VWA3A: variants seen among roughly 807,000 people sequenced by gnomAD.
The protein encoded by VWA3A is von Willebrand factor A domain-containing protein 3A.
In VWA3A, 134 loss-of-function variants were observed where a neutral mutation model predicts 160.4. The observed-to-expected ratio is 0.84, with a 90% CI of 0.73 to 0.96. VWA3A has a LOEUF of 0.96. Among genes scored for constraint, VWA3A ranks in the 40% least tolerant of loss-of-function variants. The pLI is 0.00. For missense variants in VWA3A, 1,310 were observed against 1,447.9 expected (o/e 0.90, Z 1.55); for synonymous variants, 476 against 543.4 (o/e 0.88, Z 1.72).
At chr16:22,109,429 A>G in intron 6 of VWA3A, 53 bp from the exon 7 acceptor site, 3 of 1,425,744 alleles carry the variant, frequency 2.1e-6, no homozygotes, top group Non-Finnish European at 2.9e-6. Context: ...AGCTCAGTGT[A>G]GGAGACACAC....
intron 11 of VWA3A, 131 bp downstream of exon 11, chr16:22,117,307 TCAATGAGGTTA>T: frequency 1.0e-6 from 1 of 965,434 alleles, no homozygotes; most frequent in Non-Finnish European, 1.5e-6. Flanking sequence ...CCACCTGTAT[TCAATGAGGTTA>T]CACAGGTAAA....
In VWA3A at chr16:22,126,214, C is replaced by T; in HGVS notation, c.1569C>T (p.Ser523=). 6.2e-7 allele frequency: 1 copy of T among 1,613,918 alleles called. No homozygotes were observed. Residue 523 remains serine, a synonymous_variant, in exon 17 of 34, where the codon TCC becomes TCT. Coordinates refer to ENST00000389398, the MANE Select transcript of VWA3A (RefSeq NM_173615.5). ...VVLLDISATN[S]MYIIHIQHSL... ...TGCTCGATATCTCTGCGACCAATTC[C>T]ATGTACATTATTCATATCCAGCACT...
intron 15 of VWA3A, 148 bp downstream of exon 15, chr16:22,123,313 C>T: frequency 9.0e-7 from 1 of 1,114,914 alleles, no homozygotes; most frequent in East Asian, 2.6e-5. Context: ...CCTCCTGAAG[C>T]TTTGGCCATC....
At chr16:22,135,446 T>C (rs2046022617) in intron 21 of VWA3A, among the ~76,000 whole-genome samples, 1 of 152,188 alleles carries the variant, frequency 6.6e-6, no homozygotes, top group Non-Finnish European at 1.5e-5. Flanking sequence ...TAATTACATC[T>C]GCAAAGACCC....
At chr16:22,140,690 A>T (rs2046130979) in intron 23 of VWA3A, among the ~76,000 whole-genome samples, 1 of 149,222 alleles carries the variant, frequency 6.7e-6, no homozygotes, top group African/African-American at 2.5e-5. Context: ...AGCTCACTGC[A>T]ACCTCCACCT....
Position 22,096,906 on chromosome 16 carries a change from T to C in VWA3A, c.62T>C (p.Val21Ala), listed in dbSNP as rs1035465797. ...GCAATGGCTACACAAACTAGTCATGTCTTCCATGGTCAAGAAAATATGTTT... is the reference window on the plus strand; with the variant it reads ...GCAATGGCTACACAAACTAGTCATGCCTTCCATGGTCAAGAAAATATGTTT... Reference protein sequence around the residue: ...CFAMATQTSHVFHGQENMFLE... With the variant: ...CFAMATQTSHAFHGQENMFLE... The change falls in exon 2 of 34, where the codon GTC (valine) becomes GCC (alanine). Residue 21 changes from valine (V) to alanine (A), a missense_variant. Val to Ala is a moderately conservative substitution (Grantham distance 64). Transcript: ENST00000389398. The C allele has an allele frequency of 5.8e-6, 9 of 1,550,526 alleles. No individual in the cohort carries two copies. Among genetic ancestry groups the C allele is most frequent in the East Asian group, 4.9e-5 (2 of 40,932 alleles).
rs1328936152 is a variant in VWA3A at position 22,132,158 on chromosome 16, C to G, written c.1872+429C>G. On this transcript the variant is annotated intron_variant, in intron 19 of 33. Coordinates refer to ENST00000389398, the MANE Select transcript of VWA3A (RefSeq NM_173615.5). ...CAGCACTTTGGGAGGCTGAGGCAGG[C>G]AGATCACCTGAGGTCGGGAGTTTGA... 2.6e-5 allele frequency among the ~76,000 whole-genome samples: 4 copies of G among 151,996 alleles called. No individual in the cohort carries two copies. The East Asian group carries it at 7.7e-4, about 29-fold the overall frequency.
At chr16:22,095,170 A>T (rs1028353004) in intron 1 of VWA3A, among the ~76,000 whole-genome samples, 7 of 152,208 alleles carry the variant, frequency 4.6e-5, no homozygotes, top group African/African-American at 1.7e-4. Context: ...GCATGGTTCT[A>T]TGAAAGTCTG....
chr16:22,152,227 G>A (rs1232230555), intron 30 of VWA3A, among the ~76,000 whole-genome samples: 1 of 152,074 alleles, frequency 6.6e-6, no homozygotes, highest in African/African-American at 2.4e-5. Context: ...GAAAAGAAAT[G>A]GGGGCTGGAG....
At chr16:22,126,726 G>T (rs915019138) in intron 17 of VWA3A, among the ~76,000 whole-genome samples, 1 of 152,064 alleles carries the variant, frequency 6.6e-6, no homozygotes, top group South Asian at 2.1e-4. Context: ...ATATAAATTT[G>T]GCCAGGTGCA....
chr16:22,107,058 G>A (rs1436132244), intron 6 of VWA3A, among the ~76,000 whole-genome samples: 1 of 152,214 alleles, frequency 6.6e-6, no homozygotes, highest in Non-Finnish European at 1.5e-5. Context: ...GAGAAGCGGA[G>A]CAGGATGTTG....
At chr16:22,131,009 CTG>C (rs1452556523) in intron 17 of VWA3A, among the ~76,000 whole-genome samples, 194 bp from the exon 18 acceptor site, 7 of 152,220 alleles carry the variant, frequency 4.6e-5, no homozygotes, top group Non-Finnish European at 1.0e-4. Context: ...CTGGCTCACA[CTG>C]TGTCTTGGCT....
intron 22 of VWA3A, 54 bp downstream of exon 22, chr16:22,138,566 T>C: frequency 1.9e-6 from 3 of 1,605,270 alleles, no homozygotes; most frequent in Non-Finnish European, 1.7e-6. Context: ...GTTTGTCTTC[T>C]GGTCTTTCCT....
intron 9 of VWA3A, 122 bp from the exon 10 acceptor site, chr16:22,116,637 C>T: frequency 1.3e-6 from 1 of 750,682 alleles, no homozygotes; most frequent in Non-Finnish European, 2.3e-6. Context: ...ACATAGGTGA[C>T]CTGTGACACA....
intron 26 of VWA3A, among the ~76,000 whole-genome samples, chr16:22,145,294 C>T (rs1332455030): frequency 6.6e-6 from 1 of 152,152 alleles, no homozygotes; most frequent in Non-Finnish European, 1.5e-5. Context: ...TCTTTCAGTT[C>T]AAAATTTATG....
intron 17 of VWA3A, among the ~76,000 whole-genome samples, chr16:22,130,573 C>T (rs1009980201): frequency 2.0e-5 from 3 of 152,074 alleles, no homozygotes; most frequent in Non-Finnish European, 4.4e-5. Context: ...TCTTACAGGA[C>T]AAATGAGACA....
chr16:22,117,157 G>T lies in VWA3A; in HGVS notation c.971G>T (p.Cys324Phe). The change falls in exon 11 of 34, where the codon TGC (cysteine) becomes TTC (phenylalanine). Residue 324 changes from cysteine (C) to phenylalanine (F), a missense_variant. Coordinates refer to ENST00000389398, the MANE Select transcript of VWA3A (RefSeq NM_173615.5). Reference protein sequence around the residue: ...LAEAVRGYYHCYSPKMEHYTS... With the variant: ...LAEAVRGYYHFYSPKMEHYTS... ...GAAGCTGTTAGGGGCTACTACCACT[G>T]CTACAGCCCAAAGATGGAGGTAAGC... The T allele has an allele frequency of 1.9e-6, 3 of 1,582,634 alleles. No individual in the cohort carries two copies. The highest frequency in any genetic ancestry group is 2.6e-6 in the Non-Finnish European group (3 of 1,164,016).
chr16:22,154,323 CTTTTTTT>C (rs988862954), intron 31 of VWA3A, among the ~76,000 whole-genome samples: 17 of 73,904 alleles, frequency 2.3e-4, no homozygotes, highest in Admixed American at 6.4e-4. Context: ...TTTTCTTTTT[CTTTTTTT>C]TTTTTTTTTT....
intron 29 of VWA3A, 79 bp downstream of exon 29, chr16:22,150,010 G>C: frequency 6.8e-7 from 1 of 1,480,170 alleles, no homozygotes; most frequent in Non-Finnish European, 9.0e-7. Context: ...CGATGCTTTA[G>C]GATTTACAAA....
Sources: allele counts gnomAD v4.1 joint callset (sites outside exome capture counted in the v4.1 genomes callset), GRCh38; gene constraint gnomAD v4.1.1; transcripts MANE v1.5; gene names NCBI Gene and HGNC (gene_info 2026-07-23, HGNC 2026-07-21).